HADHB: variants seen among roughly 807,000 people sequenced by gnomAD.
HADHB encodes trifunctional enzyme subunit beta, mitochondrial.
Under a neutral mutation model 61.9 loss-of-function variants are expected in HADHB, and 50 were observed. That is an observed-to-expected ratio of 0.81 (90% confidence interval 0.64 to 1.02). HADHB has a LOEUF of 1.02. HADHB is among the 50% of genes least tolerant of loss of function. The pLI, the probability that HADHB is intolerant of heterozygous loss-of-function variation, is 0.00. For missense variants in HADHB, 504 were observed against 586.5 expected, an observed-to-expected ratio of 0.86 and a Z score of 1.45; for synonymous variants, 191 against 201.6, an observed-to-expected ratio of 0.95 and a Z score of 0.45.
chr2:26,246,440 A>T (rs1470926167), intron 1 of HADHB, among the ~76,000 whole-genome samples: 1 of 151,736 alleles, frequency 6.6e-6, no homozygotes, highest in Non-Finnish European at 1.5e-5. Context: ...CCCGGGTTCA[A>T]GTGATTCTCC....
chr2:26,266,026 A>C (rs546839871), intron 4 of HADHB, among the ~76,000 whole-genome samples: 46 of 151,782 alleles, frequency 3.0e-4, no homozygotes, highest in African/African-American at 9.4e-4. Context: ...CATATGAGCA[A>C]CATAACTAGA....
At chr2:26,289,865 T>G (rs1056632) in intron 15 of HADHB, 53 bp from the exon 16 acceptor site, 246,179 of 1,199,938 alleles carry the variant, frequency 0.21, 27,048 homozygotes, top group Middle Eastern at 0.27. Context: ...GTCCCTGTAC[T>G]AGGTGGATTC....
chr2:26,245,830 T>C (rs1671128829), intron 1 of HADHB, among the ~76,000 whole-genome samples: 1 of 152,070 alleles, frequency 6.6e-6, no homozygotes, highest in South Asian at 2.1e-4. Context: ...GTCCTCACAT[T>C]CCCCAAATTA....
chr2:26,282,253 T>TTC (rs1405459977), intron 10 of HADHB, among the ~76,000 whole-genome samples: 8 of 94,808 alleles, frequency 8.4e-5, no homozygotes, highest in African/African-American at 2.6e-4. Context: ...AGTTCTTTCT[T>TTC]TTTTTTTTTT....
intron 3 of HADHB, chr2:26,261,607 T>G (rs1671868731): frequency 6.6e-6 from 1 of 152,606 alleles, no homozygotes; most frequent in African/African-American, 2.4e-5. Context: ...AAACCCCATC[T>G]TTACTAAAAA....
intron 1 of HADHB, among the ~76,000 whole-genome samples, chr2:26,251,807 A>G (rs1327344389): frequency 4.6e-5 from 7 of 152,192 alleles, no homozygotes; most frequent in East Asian, 3.8e-4. Context: ...TTTAGTCTCT[A>G]AAGACCCAAG....
At chr2:26,272,732 T>C (rs550582947) in intron 5 of HADHB, among the ~76,000 whole-genome samples, 23 of 152,322 alleles carry the variant, frequency 1.5e-4, no homozygotes, top group African/African-American at 4.8e-4. Flanking sequence ...CTTCTGGACC[T>C]GGTATCAGTC....
chr2:26,286,103 T>C (rs906537350), intron 15 of HADHB, among the ~76,000 whole-genome samples: 48 of 152,278 alleles, frequency 3.2e-4, no homozygotes, highest in African/African-American at 1.1e-3. Context: ...CCCAATATAA[T>C]GTTTATTTTT....
At chr2:26,285,739 G>GTTTTTTTTTTTTTTTTTTTTGTTT (rs766742523) in intron 15 of HADHB, among the ~76,000 whole-genome samples, 168 bp downstream of exon 15, 1 of 65,082 alleles carries the variant, frequency 1.5e-5, no homozygotes, top group African/African-American at 6.6e-5. Context: ...TGTTTTTTGG[G>GTTTTTTTTTTTTTTTTTTTTGTTT]TTTTTTTTTT....
At chr2:26,248,490 A>G (rs80266121) in intron 1 of HADHB, among the ~76,000 whole-genome samples, 96 of 152,164 alleles carry the variant, frequency 6.3e-4, no homozygotes, top group African/African-American at 2.2e-3. Context: ...CTAGAGACCT[A>G]TATATGCTAT....
chr2:26,280,684 C>T (rs540373287), intron 10 of HADHB, among the ~76,000 whole-genome samples: 1 of 152,062 alleles, frequency 6.6e-6, no homozygotes, highest in African/African-American at 2.4e-5. Context: ...GAAACCCCGT[C>T]TCTACTAAAA....
chr2:26,282,142 T>A (rs1281810491), intron 10 of HADHB, among the ~76,000 whole-genome samples: 1 of 151,928 alleles, frequency 6.6e-6, no homozygotes, highest in Non-Finnish European at 1.5e-5. Context: ...GCCCAGAAAA[T>A]GTAAAAATAA....
chr2:26,275,679 C>T (rs949935537), intron 6 of HADHB, among the ~76,000 whole-genome samples: 11 of 152,212 alleles, frequency 7.2e-5, no homozygotes, highest in Non-Finnish European at 1.5e-4. Flanking sequence ...GGCTGATGCA[C>T]AGGTGCCTGG....
Position 26,273,387 on chromosome 2 carries a change from CTATTT to C in HADHB, c.255-259_255-255del, listed in dbSNP as rs1672423645. 2.0e-5 allele frequency among the ~76,000 whole-genome samples: 3 copies of C among 152,172 alleles called. No individual in the cohort carries two copies. In the South Asian group the frequency reaches 6.2e-4, roughly 31 times the overall value. On this transcript the variant is annotated intron_variant, in intron 5 of 15. Coordinates refer to ENST00000317799, the MANE Select transcript of HADHB (RefSeq NM_000183.3). ...TAACATTAATTTATAGGTTTCTTAT[CTATTT>C]TATTCTATTCCAAATTATTTTTTAT...
intron 1 of HADHB, among the ~76,000 whole-genome samples, chr2:26,251,897 C>A (rs192699568): frequency 8.9e-4 from 135 of 152,330 alleles, no homozygotes; most frequent in South Asian, 1.7e-3. Context: ...TAAAACAATA[C>A]ATGTTTACCA....
Position 26,244,983 on chromosome 2 carries a change from C to A in HADHB, c.-16C>A. On this transcript the variant is annotated 5_prime_UTR_variant, in exon 1 of 16. Coordinates refer to ENST00000317799, the MANE Select transcript of HADHB (RefSeq NM_000183.3). ...TCCGAGAGGGAGTCCTCGCGGACGT[C>A]AGCCAAGGTGAGACGGCGAGCCCTC... The A allele has an allele frequency of 3.7e-6, 1 of 270,300 alleles. No homozygotes were observed. The highest frequency in any genetic ancestry group is 7.5e-6 in the Non-Finnish European group (1 of 133,388). The allele number at this position is 270,300 out of a possible 1,614,324, so 16.7% of individuals were successfully genotyped here. A position where few individuals can be genotyped will look rare whatever the true frequency, so the allele number is the denominator to read the frequency against.
In HADHB at chr2:26,246,092, G is replaced by A. The variant is rs1466091625; in HGVS notation, c.-9+1102G>A. 3.3e-5 allele frequency among the ~76,000 whole-genome samples: 5 copies of A among 152,196 alleles called. No individual in the cohort carries two copies. In the East Asian group the frequency reaches 9.6e-4, roughly 29 times the overall value. On this transcript the variant is annotated intron_variant, in intron 1 of 15. Transcript: ENST00000317799. Reference sequence around the variant, plus strand: ...ATGTGAGCACTTTAAGCAGAAACTGGATGACCTGACCACTTCTGAATAAAT... The same window carrying A: ...ATGTGAGCACTTTAAGCAGAAACTGAATGACCTGACCACTTCTGAATAAAT...
At chr2:26,280,836 G>A (rs992919764) in intron 10 of HADHB, among the ~76,000 whole-genome samples, 7 of 102,996 alleles carry the variant, frequency 6.8e-5, no homozygotes, top group African/African-American at 1.2e-4. Context: ...GCCTGCACAA[G>A]AGCGAAACTC....
intron 14 of HADHB, 85 bp downstream of exon 14, chr2:26,285,042 G>T (rs941644737): frequency 1.3e-6 from 1 of 779,140 alleles, no homozygotes; most frequent in Non-Finnish European, 2.3e-6. Flanking sequence ...AGAATATGAA[G>T]GGAAAGCTTC....
Sources: gnomAD v4.1 joint callset for allele counts (sites outside exome capture counted in the v4.1 genomes callset) on GRCh38, gnomAD v4.1.1 for gene constraint, MANE v1.5 for transcripts, NCBI Gene and HGNC (gene_info 2026-07-23, HGNC 2026-07-21) for gene names.